RARRES1: variants seen among roughly 807,000 people sequenced by gnomAD.
RARRES1 encodes the protein retinoic acid receptor responder 1, also known as retinoic acid receptor responder protein 1.
Under a neutral mutation model 30.6 loss-of-function variants are expected in RARRES1, and 34 were observed. The ratio of observed to expected loss-of-function variants is 1.11; its 90% confidence interval spans 0.84 to 1.48. RARRES1 has a LOEUF of 1.48. RARRES1 is among the 40% of genes most tolerant of loss of function. The probability of loss-of-function intolerance (pLI) is 0.00; values close to 1 mark genes in which losing one functional copy is unlikely to be tolerated. For synonymous variants in RARRES1, 153 were observed against 155.5 expected, an observed-to-expected ratio of 0.98 and a Z score of 0.12; for missense variants, 373 against 386.5, an observed-to-expected ratio of 0.97 and a Z score of 0.29.
At chr3:158,716,085 C>T (rs928231615) in intron 1 of RARRES1, among the ~76,000 whole-genome samples, 4 of 152,208 alleles carry the variant, frequency 2.6e-5, no homozygotes, top group Admixed American at 1.3e-4. Context: ...CTGGGTACAG[C>T]CTCCTGCAGA....
At chr3:158,703,262 G>A (rs1342975696) in intron 4 of RARRES1, among the ~76,000 whole-genome samples, 2 of 152,034 alleles carry the variant, frequency 1.3e-5, no homozygotes, top group Non-Finnish European at 2.9e-5. Flanking sequence ...TGAACTCTCC[G>A]TGTTTCTAAT....
In RARRES1 at chr3:158,732,137, C is replaced by A. The variant is rs567390344; in HGVS notation, c.276+3G>T. Reference sequence around the variant, plus strand: ...GTGCCCCGGCGCGTCGCTCCGCACTCACCCACGCGCGGCCCTCCTGCACCT... The same window carrying A: ...GTGCCCCGGCGCGTCGCTCCGCACTAACCCACGCGCGGCCCTCCTGCACCT... On this transcript the variant is annotated splice_donor_region_variant and intron_variant, in intron 1 of 5. Coordinates refer to ENST00000237696, the MANE Select transcript of RARRES1 (RefSeq NM_206963.2). 861 of 1,365,414 alleles carry A rather than the reference C, an allele frequency of 6.3e-4. 1 individual carries two copies. The highest frequency in any genetic ancestry group is 7.4e-4 in the Non-Finnish European group (787 of 1,067,470). 84.6% of individuals were successfully genotyped at this position (1,365,414 alleles called of 1,614,324 possible). A position where few individuals can be genotyped will look rare whatever the true frequency, so the allele number is the denominator to read the frequency against.
intron 1 of RARRES1, among the ~76,000 whole-genome samples, chr3:158,725,863 C>A (rs1287939667): frequency 1.3e-5 from 2 of 152,118 alleles, no homozygotes; most frequent in Admixed American, 6.5e-5. Context: ...GGGGTGGAGA[C>A]CGTAGGCACA....
intron 1 of RARRES1, among the ~76,000 whole-genome samples, chr3:158,718,390 T>C (rs1003906191): frequency 1.3e-5 from 2 of 152,222 alleles, no homozygotes; most frequent in Admixed American, 1.3e-4. Context: ...GCACCCTACA[T>C]GTATTAAGTA....
chr3:158,720,887 C>G (rs1727492844), intron 1 of RARRES1, among the ~76,000 whole-genome samples: 1 of 152,184 alleles, frequency 6.6e-6, no homozygotes, highest in South Asian at 2.1e-4. Context: ...TTGATTACAT[C>G]TTCAAAGACT....
At chr3:158,704,964 A>G (rs367631234) in intron 3 of RARRES1, 37 bp from the exon 4 acceptor site, 18 of 1,583,974 alleles carry the variant, frequency 1.1e-5, no homozygotes, top group Admixed American at 1.8e-5. Context: ...GTATTAATGC[A>G]TTTTTGAGAC....
chr3:158,724,287 C>T (rs1336071393), intron 1 of RARRES1, among the ~76,000 whole-genome samples: 1 of 152,110 alleles, frequency 6.6e-6, no homozygotes, highest in Non-Finnish European at 1.5e-5. Context: ...CCCCCACAGC[C>T]CTTGCCCGAA....
intron 3 of RARRES1, 88 bp from the exon 4 acceptor site, chr3:158,705,015 T>TA (rs2108133260): frequency 6.7e-7 from 1 of 1,494,268 alleles, no homozygotes; most frequent in African/African-American, 1.4e-5. Flanking sequence ...GGTTTAAACT[T>TA]AGTCATACCA....
chr3:158,727,106 G>A (rs35964648), intron 1 of RARRES1, among the ~76,000 whole-genome samples: 9,149 of 152,242 alleles, frequency 0.06, 352 homozygotes, highest in Middle Eastern at 0.11. Context: ...ACTTCCTGGG[G>A]AGCCTGCAAA....
At chr3:158,725,843 G>T (rs1286817813) in intron 1 of RARRES1, among the ~76,000 whole-genome samples, 1 of 152,152 alleles carries the variant, frequency 6.6e-6, no homozygotes, top group Non-Finnish European at 1.5e-5. Flanking sequence ...TGGCTGCTGT[G>T]GTGGGTGATG....
intron 3 of RARRES1, among the ~76,000 whole-genome samples, chr3:158,709,847 G>A (rs548092306): frequency 6.6e-6 from 1 of 152,232 alleles, no homozygotes; most frequent in Non-Finnish European, 1.5e-5. Context: ...GTGCAGGAAC[G>A]CATGAGCTCT....
Position 158,723,453 on chromosome 3 carries a change from C to T in RARRES1, c.276+8687G>A, listed in dbSNP as rs1559874756. Among the ~76,000 whole-genome samples the T allele has an allele frequency of 6.6e-6, 1 of 152,150 alleles. No homozygotes were observed. Among genetic ancestry groups the T allele is most frequent in the African/African-American group, 2.4e-5 (1 of 41,418 alleles). On this transcript the variant is annotated intron_variant, in intron 1 of 5. Transcript: ENST00000237696. The surrounding 1 kb of genome is among the most constrained non-coding windows in gnomAD (Gnocchi z 4.4). ...CAGCATCAGTATATTATATTATACC[C>T]TGGAATCATTTTATTGCATTTTCCT... is the stretch of plus-strand genomic sequence containing the variant.
Position 158,732,215 on chromosome 3 carries a change from A to G in RARRES1, c.201T>C (p.Leu67=). ...RLLQQAARAA[L]HFFNFRSGSP... is the part of the protein sequence containing the mutation. ...AGCCGGACCGGAAGTTGAAGAAGTGAAGCGCCGCGCGCGCCGCCTGCTGCA... is the reference window on the plus strand; with the variant it reads ...AGCCGGACCGGAAGTTGAAGAAGTGGAGCGCCGCGCGCGCCGCCTGCTGCA... Residue 67 remains leucine, a synonymous_variant, in exon 1 of 6, where the codon CTT becomes CTC. Transcript: ENST00000237696. 10 of 1,412,730 alleles carry G rather than the reference A, an allele frequency of 7.1e-6. No homozygotes were observed. The highest frequency in any genetic ancestry group is 9.2e-6 in the Non-Finnish European group (10 of 1,089,660). The allele number at this position is 1,412,730 out of a possible 1,614,324, so 87.5% of individuals were successfully genotyped here. A position where few individuals can be genotyped will look rare whatever the true frequency, so the allele number is the denominator to read the frequency against.
chr3:158,723,663 G>T lies in RARRES1; in HGVS notation c.276+8477C>A, dbSNP rs376988509. ...TGTCCTCTCTCTCAGCCAACCCTGG[G>T]TCCCACGTTCTTGATTTGGGGTAGG... On this transcript the variant is annotated intron_variant, in intron 1 of 5. Transcript: ENST00000237696. The surrounding 1 kb of genome is among the most constrained non-coding windows in gnomAD (Gnocchi z 4.4). Among the ~76,000 whole-genome samples, 59 of 152,316 alleles carry T rather than the reference G, an allele frequency of 3.9e-4. No homozygotes were observed. The South Asian group carries it at 9.3e-3, about 24-fold the overall frequency.
At chr3:158,721,103 G>T (rs1407568535) in intron 1 of RARRES1, among the ~76,000 whole-genome samples, 1 of 152,188 alleles carries the variant, frequency 6.6e-6, no homozygotes, top group Non-Finnish European at 1.5e-5. Context: ...TCTCCAGGAA[G>T]GACTAGGATT....
chr3:158,708,010 A>G (rs528646258), intron 3 of RARRES1, among the ~76,000 whole-genome samples: 6 of 152,268 alleles, frequency 3.9e-5, no homozygotes, highest in South Asian at 4.1e-4. Context: ...AGCTGTGACT[A>G]TTTTTACAGA....
Position 158,732,298 on chromosome 3 carries a change from AC to A in RARRES1, c.117del (p.Ser40ProfsTer104), listed in dbSNP as rs1727935513. Reference sequence around the variant, plus strand: ...TGCCCAGGGTCGTCGGGGTCCCCGGACCCCGCGGGCGCCGCCACCGGGGCGA... The same window carrying A: ...TGCCCAGGGTCGTCGGGGTCCCCGGACCCGCGGGCGCCGCCACCGGGGCGA... Reference protein sequence around the residue: ...LLLAPVAAPAGSGDPDDPGQP... With the variant: ...LLLAPVAAPAXSGDPDDPGQP... On this transcript the variant is annotated frameshift_variant, in exon 1 of 6. Transcript: ENST00000237696. LOFTEE classifies it high-confidence loss of function. The A allele has an allele frequency of 2.2e-6, 3 of 1,343,110 alleles. No individual in the cohort carries two copies. Among genetic ancestry groups the A allele is most frequent in the Non-Finnish European group, 2.8e-6 (3 of 1,057,404 alleles). The allele number at this position is 1,343,110 out of a possible 1,614,324, so 83.2% of individuals were successfully genotyped here.
rs1727189044 is a variant in RARRES1, at chr3:158,712,963, A to G, written c.339+834T>C. On this transcript the variant is annotated intron_variant, in intron 2 of 5. Transcript: ENST00000237696. ...ACACTTTAAGGAAATTTTAATTCATAGGTTAATAAGCAAAGAGCATACTGC... is the reference window on the plus strand; with the variant it reads ...ACACTTTAAGGAAATTTTAATTCATGGGTTAATAAGCAAAGAGCATACTGC... 2.0e-5 allele frequency among the ~76,000 whole-genome samples: 3 copies of G among 152,226 alleles called. No individual in the cohort carries two copies. In the South Asian group the frequency reaches 6.2e-4, roughly 31 times the overall value.
At position 158,709,260 on chromosome 3, in the gene RARRES1, C is replaced by T. The variant is rs78528500; in HGVS notation, c.535+1478G>A. On this transcript the variant is annotated intron_variant, in intron 3 of 5. Transcript: ENST00000237696. ...CACTATTAAAGAGTGTCTAAAGTCTCGTGACCCTGTGGCAAATATTCAAAG... is the reference window on the plus strand; with the variant it reads ...CACTATTAAAGAGTGTCTAAAGTCTTGTGACCCTGTGGCAAATATTCAAAG... Among the ~76,000 whole-genome samples the T allele has an allele frequency of 3.7e-3, 562 of 152,278 alleles. 3 individuals carry two copies. The highest frequency in any genetic ancestry group is 0.013 in the African/African-American group (525 of 41,560).
Sources: allele counts gnomAD v4.1 joint callset (sites outside exome capture counted in the v4.1 genomes callset), GRCh38; gene constraint gnomAD v4.1.1; non-coding constraint Gnocchi (gnomAD v3.1); transcripts MANE v1.5; gene names NCBI Gene and HGNC (gene_info 2026-07-23, HGNC 2026-07-21).